EIF3K: variants seen among roughly 807,000 people sequenced by gnomAD.
The protein encoded by EIF3K is eukaryotic translation initiation factor 3 subunit K.
In EIF3K, 27 loss-of-function variants were observed where a neutral mutation model predicts 34.2. The observed-to-expected ratio is 0.79, with a 90% CI of 0.58 to 1.09. The LOEUF (loss-of-function observed/expected upper bound fraction) is 1.09, where lower values mean the gene tolerates loss of function less well. EIF3K is among the 50% of genes least tolerant of loss of function. EIF3K has a pLI of 0.00. For missense variants in EIF3K, 232 were observed against 275.4 expected (o/e 0.84, Z 1.11); for synonymous variants, 105 against 105.7 (o/e 0.99, Z 0.04).
chr19:38,632,813 A>C, intron 6 of EIF3K, 135 bp downstream of exon 6: 1 of 736,850 alleles, frequency 1.4e-6, no homozygotes. Flanking sequence ...AGGAGGAAAT[A>C]AGAACTTGGT....
intron 4 of EIF3K, among the ~76,000 whole-genome samples, chr19:38,627,838 T>C (rs1879827072): frequency 6.6e-6 from 1 of 151,878 alleles, no homozygotes. Flanking sequence ...ACCTCAGCCC[T>C]TCTCTTCCAA....
intron 4 of EIF3K, chr19:38,631,983 C>CA (rs1663179838): frequency 1.1e-5 from 2 of 188,268 alleles, no homozygotes; most frequent in South Asian, 1.8e-4. Context: ...AGATTAACAG[C>CA]ATCTCAAGGC....
At chr19:38,625,869 A>G (rs896780002) in intron 3 of EIF3K, among the ~76,000 whole-genome samples, 159 bp from the exon 4 acceptor site, 2 of 152,178 alleles carry the variant, frequency 1.3e-5, no homozygotes, top group African/African-American at 4.8e-5. Context: ...TTTCTCCTGC[A>G]TACACCTGCA....
chr19:38,625,674 T>G (rs1975935190), intron 3 of EIF3K, among the ~76,000 whole-genome samples: 1 of 151,218 alleles, frequency 6.6e-6, no homozygotes, highest in Non-Finnish European at 1.5e-5. Flanking sequence ...CACACCCAGC[T>G]GCTTTTCGTA....
chr19:38,625,807 G>A (rs941089884), intron 3 of EIF3K, among the ~76,000 whole-genome samples: 2 of 152,216 alleles, frequency 1.3e-5, no homozygotes, highest in Non-Finnish European at 2.9e-5. Flanking sequence ...ACCAGGACTG[G>A]CATGTCATTT....
chr19:38,635,121 G>A lies in EIF3K; in HGVS notation c.625+3G>A, dbSNP rs1377311977. Reference sequence around the variant, plus strand: ...TGTGGAGAAGATTGACTTTGACAGTGAGTGGTGACCCACGGCCTCGGGCTT... The same window carrying A: ...TGTGGAGAAGATTGACTTTGACAGTAAGTGGTGACCCACGGCCTCGGGCTT... On this transcript the variant is annotated splice_donor_region_variant and intron_variant, in intron 7 of 7. Coordinates refer to ENST00000248342, the MANE Select transcript of EIF3K (RefSeq NM_013234.4). 3 of 1,614,176 alleles carry A rather than the reference G, an allele frequency of 1.9e-6. No individual in the cohort carries two copies. Among genetic ancestry groups the A allele is most frequent in the Admixed American group, 3.3e-5 (2 of 60,034 alleles).
At chr19:38,620,268 C>A in intron 1 of EIF3K, 69 bp from the exon 2 acceptor site, 1 of 1,379,382 alleles carries the variant, frequency 7.2e-7, no homozygotes, top group East Asian at 2.4e-5. Flanking sequence ...ACAGTGGCCC[C>A]TTGCTCCATA....
chr19:38,630,493 T>C (rs1386150112), intron 4 of EIF3K, among the ~76,000 whole-genome samples: 2 of 151,814 alleles, frequency 1.3e-5, no homozygotes, highest in African/African-American at 4.8e-5. Context: ...TGCAGGCACA[T>C]GCCACCACAC....
chr19:38,627,901 T>C (rs1206691925), intron 4 of EIF3K, among the ~76,000 whole-genome samples: 1 of 148,814 alleles, frequency 6.7e-6, no homozygotes, highest in Non-Finnish European at 1.5e-5. Context: ...ATTTATTTTC[T>C]TTCCTTTTTT....
intron 4 of EIF3K, among the ~76,000 whole-genome samples, chr19:38,629,346 G>A (rs535722922): frequency 1.3e-5 from 2 of 152,266 alleles, no homozygotes; most frequent in Admixed American, 6.5e-5. Flanking sequence ...CCAGGCCGCA[G>A]TGCAGTGATG....
intron 4 of EIF3K, chr19:38,628,681 G>T (rs758962810): frequency 6.6e-6 from 1 of 152,218 alleles, no homozygotes; most frequent in Non-Finnish European, 1.5e-5. Context: ...AAAGTTGGCC[G>T]GGCGTGGTGG....
At position 38,632,416 on chromosome 19, in the gene EIF3K, A is replaced by T. The variant is rs1976089106; in HGVS notation, c.355-14A>T. On this transcript the variant is annotated splice_polypyrimidine_tract_variant and intron_variant, in intron 4 of 7. Transcript: ENST00000248342. The stretch of plus-strand genomic sequence containing the variant: ...TAAAAGAATAAACATTGTGAACATC[A>T]ATTCCCATCACAGCAAGCCCTGGAT... 7.4e-6 allele frequency: 12 copies of T among 1,611,700 alleles called. No individual in the cohort carries two copies. The East Asian group carries it at 1.3e-4, about 18-fold the overall frequency.
intron 6 of EIF3K, among the ~76,000 whole-genome samples, chr19:38,633,855 C>T (rs899386905): frequency 1.3e-5 from 2 of 151,592 alleles, no homozygotes; most frequent in Non-Finnish European, 1.5e-5. Context: ...TGCCTGTAAT[C>T]CCAGCTATTC....
At position 38,625,144 on chromosome 19, in the gene EIF3K, T is replaced by G. The variant is rs144064330; in HGVS notation, c.280-884T>G. 5.3e-3 allele frequency among the ~76,000 whole-genome samples: 811 copies of G among 152,086 alleles called. 6 individuals are homozygous for G. Among genetic ancestry groups the G allele is most frequent in the African/African-American group, 0.017 (699 of 41,502 alleles). On this transcript the variant is annotated intron_variant, in intron 3 of 7. Transcript: ENST00000248342. Reference sequence around the variant, plus strand: ...AGGAATGATTTAAGGTGGGTTTTTTTTTGTTGTTGTTTTATTTTATTTATT... The same window carrying G: ...AGGAATGATTTAAGGTGGGTTTTTTGTTGTTGTTGTTTTATTTTATTTATT...
chr19:38,619,490 A>G (rs1178585624), intron 1 of EIF3K, among the ~76,000 whole-genome samples, 163 bp downstream of exon 1: 1 of 152,150 alleles, frequency 6.6e-6, no homozygotes, highest in Non-Finnish European at 1.5e-5. Context: ...AGCTGGGGGT[A>G]GTGGCTCACG....
chr19:38,636,746 G>A, intron 7 of EIF3K, 143 bp from the exon 8 acceptor site: 1 of 922,968 alleles, frequency 1.1e-6, no homozygotes, highest in Non-Finnish European at 1.8e-6. Context: ...TTAAAATACT[G>A]CACCAAACTG....
At chr19:38,628,399 C>T (rs1200663291) in intron 4 of EIF3K, 1 of 152,400 alleles carries the variant, frequency 6.6e-6, no homozygotes, top group African/African-American at 2.4e-5. Flanking sequence ...TCCAGCATCT[C>T]CATTCTCTGA....
At chr19:38,634,716 G>A (rs955284290) in intron 6 of EIF3K, among the ~76,000 whole-genome samples, 3 of 152,164 alleles carry the variant, frequency 2.0e-5, no homozygotes, top group African/African-American at 7.2e-5. Context: ...ACCAAAATTT[G>A]CCCAGGGAGA....
intron 2 of EIF3K, among the ~76,000 whole-genome samples, chr19:38,623,548 G>T (rs927010084): frequency 6.6e-6 from 1 of 151,892 alleles, no homozygotes; most frequent in Admixed American, 6.6e-5. Context: ...CAGGTGATCC[G>T]CCCATCTCGG....
Sources: gnomAD v4.1 joint callset for allele counts (sites outside exome capture counted in the v4.1 genomes callset) on GRCh38, gnomAD v4.1.1 for gene constraint, MANE v1.5 for transcripts, NCBI Gene and HGNC (gene_info 2026-07-23, HGNC 2026-07-21) for gene names.